Variants in UBE2J2 observed in about 807,000 individuals in gnomAD.
UBE2J2 encodes ubiquitin-conjugating enzyme E2 J2.
Under a neutral mutation model 28.6 loss-of-function variants are expected in UBE2J2, and 5 were observed. The observed-to-expected ratio is 0.17, with a 90% CI of 0.09 to 0.37. UBE2J2 has a LOEUF of 0.37. Ranked by LOEUF, UBE2J2 falls within the 10% of genes least tolerant of loss-of-function variation. The probability of loss-of-function intolerance (pLI) is 1.00; values close to 1 mark genes in which losing one functional copy is unlikely to be tolerated. For missense variants in UBE2J2, 226 were observed against 338.9 expected, an observed-to-expected ratio of 0.67 and a Z score of 2.62; for synonymous variants, 138 against 139.7, an observed-to-expected ratio of 0.99 and a Z score of 0.09.
At chr1:1,262,981 G>A (rs1310171364) in intron 3 of UBE2J2, 1 of 212,108 alleles carries the variant, frequency 4.7e-6, no homozygotes, top group Non-Finnish European at 9.8e-6. Context: ...CAGCACAGAA[G>A]GCACACTGAA....
chr1:1,260,044 GAC>G (rs1279985935), intron 3 of UBE2J2, among the ~76,000 whole-genome samples: 1 of 152,160 alleles, frequency 6.6e-6, no homozygotes, highest in Non-Finnish European at 1.5e-5. Flanking sequence ...CTCCCCTGAA[GAC>G]ACACATGGCC....
intron 3 of UBE2J2, among the ~76,000 whole-genome samples, chr1:1,260,435 C>A (rs747921268): frequency 6.6e-6 from 1 of 152,174 alleles, no homozygotes; most frequent in African/African-American, 2.4e-5. Flanking sequence ...TGCTGCCTCA[C>A]TGCGTGCGCA....
chr1:1,265,601 CA>C (rs1557562324), intron 2 of UBE2J2, among the ~76,000 whole-genome samples: 4 of 69,342 alleles, frequency 5.8e-5, no homozygotes, highest in African/African-American at 1.9e-4. Flanking sequence ...GTTTTCTCTC[CA>C]TTGTGTGTGT....
At position 1,255,127 on chromosome 1, in the gene UBE2J2, AGT is replaced by A. The variant is rs1557545594; in HGVS notation, c.*74_*75del. 7 of 1,444,150 alleles carry A rather than the reference AGT, an allele frequency of 4.8e-6. No individual in the cohort carries two copies. Among genetic ancestry groups the A allele is most frequent in the Non-Finnish European group, 6.5e-6 (7 of 1,077,150 alleles). 89.5% of individuals were successfully genotyped at this position (1,444,150 alleles called of 1,614,324 possible). On this transcript the variant is annotated 3_prime_UTR_variant, in exon 7 of 7. Transcript: ENST00000349431. ...CCTGGTGGGTCTGCCTGTGCTGGGCAGTGTGTCCAGCCTGCCGAGGTCACGCT... is the reference window on the plus strand; with the variant it reads ...CCTGGTGGGTCTGCCTGTGCTGGGCAGTGTCCAGCCTGCCGAGGTCACGCT...
chr1:1,259,345 G>A (rs1484366104), intron 3 of UBE2J2, among the ~76,000 whole-genome samples: 10 of 151,500 alleles, frequency 6.6e-5, no homozygotes, highest in East Asian at 2.0e-4. Context: ...ATGTGTGTGC[G>A]TGCCATCAGG....
chr1:1,266,634 A>G (rs1570572324), intron 2 of UBE2J2, among the ~76,000 whole-genome samples: 3 of 152,038 alleles, frequency 2.0e-5, no homozygotes, highest in East Asian at 2.0e-4. Flanking sequence ...ATCCTGGCTA[A>G]CACGGTGAAA....
Position 1,259,199 on chromosome 1 carries a change from ATGTG to A in UBE2J2, c.173-1893_173-1890del, listed in dbSNP as rs778800358. Among the ~76,000 whole-genome samples the A allele has an allele frequency of 1.4e-4, 20 of 141,176 alleles. No individual in the cohort carries two copies. The South Asian group carries it at 1.6e-3, about 11-fold the overall frequency. 92.6% of individuals were successfully genotyped at this position (141,176 alleles called of 152,430 possible). A position where few individuals can be genotyped will look rare whatever the true frequency, so the allele number is the denominator to read the frequency against. On this transcript the variant is annotated intron_variant, in intron 3 of 6. Coordinates refer to ENST00000349431, the MANE Select transcript of UBE2J2 (RefSeq NM_058167.3). ...ATGCCATCAGGACGCACTTGTGTGC[ATGTG>A]TGTGTGTATGCCATCAGGACGCATG...
chr1:1,266,026 G>T, intron 2 of UBE2J2: 1 of 1,295,792 alleles, frequency 7.7e-7, no homozygotes, highest in South Asian at 1.2e-5. Flanking sequence ...TGTGGGGAGG[G>T]ATTTCCCCAC....
Position 1,256,075 on chromosome 1 carries a change from G to C in UBE2J2, c.465C>G (p.Val155=), listed in dbSNP as rs755597528. ...CGACTTCAGGAAATAATTCACAAAAGACTTTATCTTTCAAATTAAATGCTA... is the reference window on the plus strand; with the variant it reads ...CGACTTCAGGAAATAATTCACAAAACACTTTATCTTTCAAATTAAATGCTA... ...QSLAFNLKDK[V]FCELFPEVVE... is the part of the protein sequence containing the mutation. Residue 155 remains valine (V), a synonymous_variant, in exon 6 of 7, where the codon GTC becomes GTG. Transcript: ENST00000349431. The C allele has an allele frequency of 4.3e-6, 7 of 1,613,682 alleles. No individual in the cohort carries two copies. The highest frequency in any genetic ancestry group is 1.3e-5 in the African/African-American group (1 of 75,036).
Position 1,257,232 on chromosome 1 carries a change from T to C in UBE2J2, c.251A>G (p.Asn84Ser). 1.2e-6 allele frequency: 2 copies of C among 1,612,534 alleles called. No homozygotes were observed. Among genetic ancestry groups the C allele is most frequent in the African/African-American group, 1.3e-5 (1 of 74,908 alleles). ...CCTGGTGTTGCACTTAAACCTCCCG[T>C]TGGGAGTGATCATATAGATACTGGG... is the stretch of plus-strand genomic sequence containing the variant. Reference protein sequence around the residue: ...KPPSIYMITPNGRFKCNTRLC... With the variant: ...KPPSIYMITPSGRFKCNTRLC... The change falls in exon 4 of 7, where the codon AAC becomes AGC. Residue 84 changes from asparagine to serine, a missense_variant. Around this residue, in one of 3 missense-constraint regions of UBE2J2, gnomAD observed 80 missense variants for 114.5 expected, o/e 0.70. Transcript: ENST00000349431.
intron 2 of UBE2J2, among the ~76,000 whole-genome samples, chr1:1,266,910 CAG>C (rs1289730740): frequency 6.6e-6 from 1 of 151,924 alleles, no homozygotes; most frequent in Non-Finnish European, 1.5e-5. Context: ...TATTTTGAGA[CAG>C]AGTTTCGCTC....
chr1:1,263,221 A>ATC, intron 3 of UBE2J2, 125 bp downstream of exon 3: 1 of 902,326 alleles, frequency 1.1e-6, no homozygotes, highest in Admixed American at 1.9e-5. Flanking sequence ...CAACTAAGCC[A>ATC]ATTTAACTAG....
chr1:1,269,716 G>C (rs139037223), intron 1 of UBE2J2, among the ~76,000 whole-genome samples: 1 of 151,970 alleles, frequency 6.6e-6, no homozygotes. Context: ...TGCCCACCTC[G>C]GCCTCCCAAA....
chr1:1,262,516 C>A (rs1200236803), intron 3 of UBE2J2: 2 of 328,720 alleles, frequency 6.1e-6, no homozygotes, highest in African/African-American at 2.2e-5. Context: ...TGCAAACCTT[C>A]TTCTAGCAGC....
chr1:1,265,138 G>A (rs1419652725), intron 2 of UBE2J2, among the ~76,000 whole-genome samples: 2 of 152,190 alleles, frequency 1.3e-5, no homozygotes, highest in Non-Finnish European at 2.9e-5. Context: ...TCCTGAGACA[G>A]AGCCCAGCAG....
At chr1:1,270,126 C>T (rs574651656) in intron 1 of UBE2J2, among the ~76,000 whole-genome samples, 2 of 152,286 alleles carry the variant, frequency 1.3e-5, no homozygotes, top group South Asian at 4.1e-4. Context: ...CCCCTTCCGC[C>T]ATGATTGTAA....
At chr1:1,257,160 C>G in intron 4 of UBE2J2, 30 bp from the exon 5 acceptor site, 1 of 1,604,574 alleles carries the variant, frequency 6.2e-7, no homozygotes, top group Non-Finnish European at 8.5e-7. Flanking sequence ...TCAGTGCACA[C>G]TCCCCACCGC....
intron 3 of UBE2J2, among the ~76,000 whole-genome samples, chr1:1,260,501 G>T (rs975660795): frequency 2.6e-5 from 4 of 152,142 alleles, no homozygotes; most frequent in Non-Finnish European, 5.9e-5. Context: ...CACACCTATC[G>T]GGAAGCCCCA....
chr1:1,269,064 G>A (rs1176753358), intron 1 of UBE2J2, among the ~76,000 whole-genome samples: 2 of 152,130 alleles, frequency 1.3e-5, no homozygotes, highest in Admixed American at 6.5e-5. Flanking sequence ...GGACGTTCAA[G>A]ACAGCACTGA....
Sources: allele counts gnomAD v4.1 joint callset (sites outside exome capture counted in the v4.1 genomes callset), GRCh38; gene constraint gnomAD v4.1.1; regional missense constraint gnomAD v4.1.1; transcripts MANE v1.5; gene names NCBI Gene and HGNC (gene_info 2026-07-23, HGNC 2026-07-21).